The following DRC11 variants were observed in gnomAD, a reference collection of about 807,000 sequenced individuals.
DRC11 encodes the protein dynein regulatory complex subunit 11.
the DRC11 span, among the ~76,000 whole-genome samples, chr2:236,437,065 A>G: frequency 6.8e-6 from 1 of 146,844 alleles, no homozygotes; most frequent in African/African-American, 2.5e-5. Flanking sequence ...AGCATTAGGT[A>G]TATCTCCCAA....
the DRC11 span, among the ~76,000 whole-genome samples, chr2:236,460,403 C>T: frequency 3.9e-5 from 6 of 152,154 alleles, no homozygotes; most frequent in Non-Finnish European, 4.4e-5. The surrounding 1 kb of genome is among the most constrained non-coding windows in gnomAD (Gnocchi z 4.0). Context: ...CATGACCCTG[C>T]CAGGACCTCA....
the DRC11 span, among the ~76,000 whole-genome samples, chr2:236,311,805 G>C: frequency 1.3e-5 from 2 of 151,764 alleles, no homozygotes; most frequent in Non-Finnish European, 2.9e-5. This position sits in a 1 kb window ranked among gnomAD's most constrained non-coding sequence, Gnocchi z 6.9. Context: ...TGCAATCCTA[G>C]GCCTTGGAGT....
the DRC11 span, among the ~76,000 whole-genome samples, chr2:236,348,290 G>A: frequency 6.6e-6 from 1 of 152,158 alleles, no homozygotes; most frequent in African/African-American, 2.4e-5. This position sits in a 1 kb window ranked among gnomAD's most constrained non-coding sequence, Gnocchi z 7.4. Flanking sequence ...GAAAATGTAG[G>A]GTGGGCTCAA....
At chr2:236,405,832 G>A in the DRC11 span, among the ~76,000 whole-genome samples, 1 of 152,150 alleles carries the variant, frequency 6.6e-6, no homozygotes, top group African/African-American at 2.4e-5. The surrounding 1 kb of genome is among the most constrained non-coding windows in gnomAD (Gnocchi z 4.6). Flanking sequence ...GCTGGACAAA[G>A]GGATGATTCA....
chr2:236,355,063 C>T, the DRC11 span, among the ~76,000 whole-genome samples: 115 of 152,310 alleles, frequency 7.6e-4, no homozygotes, highest in African/African-American at 2.6e-3. Flanking sequence ...GTGTCGGGGT[C>T]TAGGCTCCCT....
chr2:236,316,900 C>A, the DRC11 span, among the ~76,000 whole-genome samples: 3 of 152,192 alleles, frequency 2.0e-5, no homozygotes, highest in East Asian at 5.8e-4. The surrounding 1 kb of genome is among the most constrained non-coding windows in gnomAD (Gnocchi z 6.8). Context: ...CAGCTGTCTT[C>A]CCAGGCATAT....
the DRC11 span, among the ~76,000 whole-genome samples, chr2:236,437,394 A>G: frequency 2.0e-5 from 3 of 150,844 alleles, no homozygotes; most frequent in Non-Finnish European, 4.4e-5. Flanking sequence ...TAATGCCACA[A>G]TAAACATACG....
At chr2:236,371,565 G>A in the DRC11 span, among the ~76,000 whole-genome samples, 13 of 152,250 alleles carry the variant, frequency 8.5e-5, no homozygotes, top group Middle Eastern at 3.4e-3. This position sits in a 1 kb window ranked among gnomAD's most constrained non-coding sequence, Gnocchi z 5.1. Context: ...TGTTGTCAGC[G>A]CACACCGCTC....
At chr2:236,418,726 C>T in the DRC11 span, among the ~76,000 whole-genome samples, 2 of 152,188 alleles carry the variant, frequency 1.3e-5, no homozygotes, top group Non-Finnish European at 2.9e-5. Flanking sequence ...GATGTCAGCG[C>T]TAGATGATAA....
At chr2:236,470,444 T>C in the DRC11 span, among the ~76,000 whole-genome samples, 2 of 152,104 alleles carry the variant, frequency 1.3e-5, no homozygotes, top group African/African-American at 4.8e-5. The surrounding 1 kb of genome is among the most constrained non-coding windows in gnomAD (Gnocchi z 5.1). Context: ...GACACCTCAG[T>C]GTTCATTAGG....
At chr2:236,474,354 C>T in the DRC11 span, among the ~76,000 whole-genome samples, 1 of 152,090 alleles carries the variant, frequency 6.6e-6, no homozygotes. Context: ...CAAAGTAACA[C>T]TAAAATAAAG....
chr2:236,306,755 G>GTTC, the DRC11 span, among the ~76,000 whole-genome samples: 1 of 152,138 alleles, frequency 6.6e-6, no homozygotes, highest in African/African-American at 2.4e-5. This position sits in a 1 kb window ranked among gnomAD's most constrained non-coding sequence, Gnocchi z 5.9. Context: ...AAGGAAAGAA[G>GTTC]GAGAAGGGGC....
chr2:236,447,823 C>A, the DRC11 span, among the ~76,000 whole-genome samples: 2 of 140,780 alleles, frequency 1.4e-5, no homozygotes, highest in African/African-American at 5.3e-5. The surrounding 1 kb of genome is among the most constrained non-coding windows in gnomAD (Gnocchi z 4.6). Context: ...GATGCCCAAT[C>A]GAGGAGTCGG....
the DRC11 span, among the ~76,000 whole-genome samples, chr2:236,488,893 C>T: frequency 6.3e-4 from 95 of 151,632 alleles, no homozygotes; most frequent in African/African-American, 2.1e-3. Flanking sequence ...CAAAGGGCTC[C>T]GGGTGCATGC....
chr2:236,502,014 G>A, the DRC11 span, among the ~76,000 whole-genome samples: 1 of 152,090 alleles, frequency 6.6e-6, no homozygotes, highest in African/African-American at 2.4e-5. Flanking sequence ...CCAAGAAGAT[G>A]CTCAGTAAAT....
At chr2:236,504,717 G>C in the DRC11 span, among the ~76,000 whole-genome samples, 5 of 152,246 alleles carry the variant, frequency 3.3e-5, no homozygotes, top group East Asian at 9.7e-4. This position sits in a 1 kb window ranked among gnomAD's most constrained non-coding sequence, Gnocchi z 5.0. Flanking sequence ...CCCAGTGGGA[G>C]GTAACTGAAT....
At chr2:236,444,014 C>A in the DRC11 span, among the ~76,000 whole-genome samples, 1 of 146,254 alleles carries the variant, frequency 6.8e-6, no homozygotes, top group Non-Finnish European at 1.5e-5. Flanking sequence ...CTGTTCATGT[C>A]TTTTGCCCAC....
At chr2:236,408,399 G>T in the DRC11 span, 1 of 743,200 alleles carries the variant, frequency 1.3e-6, no homozygotes, top group Non-Finnish European at 2.5e-6. This position sits in a 1 kb window ranked among gnomAD's most constrained non-coding sequence, Gnocchi z 5.5. Context: ...TGTAGTCTTT[G>T]CCCTTGGTCA....
chr2:236,357,740 A>C, the DRC11 span, among the ~76,000 whole-genome samples: 13 of 126,754 alleles, frequency 1.0e-4, no homozygotes, highest in African/African-American at 1.9e-4. Context: ...TATACATATA[A>C]TATGTAAATA....
Sources: gnomAD v4.1 joint callset for allele counts (sites outside exome capture counted in the v4.1 genomes callset) on GRCh38, gnomAD v4.1.1 for gene constraint, Gnocchi (gnomAD v3.1) non-coding constraint, MANE v1.5 for transcripts, NCBI Gene and HGNC (gene_info 2026-07-23, HGNC 2026-07-21) for gene names.